The following ASCC3 variants were observed in gnomAD, a reference collection of about 807,000 sequenced individuals.
ASCC3 encodes the protein ASC-1 complex subunit P200.
ASCC3 carries 158 observed loss-of-function variants against 256.3 expected under a neutral mutation model. The ratio of observed to expected loss-of-function variants is 0.62; its 90% CI spans 0.54 to 0.70. The LOEUF is 0.70. ASCC3 is among the 30% of genes least tolerant of loss of function. The pLI is 0.00. For synonymous variants in ASCC3, 948 were observed against 883.4 expected, an observed-to-expected ratio of 1.07 and a Z score of -1.30; for missense variants, 2,259 against 2,626.0, an observed-to-expected ratio of 0.86 and a Z score of 3.05.
intron 10 of ASCC3, among the ~76,000 whole-genome samples, chr6:100,742,752 G>A (rs1347402556): frequency 1.3e-5 from 2 of 152,202 alleles, no homozygotes; most frequent in African/African-American, 4.8e-5. Context: ...TGACCAAACT[G>A]CAGAGAAGGC....
intron 8 of ASCC3, among the ~76,000 whole-genome samples, chr6:100,774,110 A>G (rs914755882): frequency 1.3e-5 from 2 of 152,202 alleles, no homozygotes; most frequent in African/African-American, 4.8e-5. Flanking sequence ...TTTCATAACA[A>G]AAGTCAGACA....
intron 10 of ASCC3, among the ~76,000 whole-genome samples, chr6:100,761,513 A>C (rs1781423568): frequency 6.6e-6 from 1 of 152,170 alleles, no homozygotes; most frequent in Non-Finnish European, 1.5e-5. Context: ...TAAAAAACGA[A>C]GAATAGAACT....
chr6:100,726,922 C>G (rs1222464467), intron 10 of ASCC3, among the ~76,000 whole-genome samples: 2 of 151,986 alleles, frequency 1.3e-5, no homozygotes, highest in Non-Finnish European at 2.9e-5. Context: ...CAACTTTAGC[C>G]TGTCCACTGG....
At chr6:100,597,809 G>GAAAAAAAAATAAAAAAAAAAA (rs1772377475) in intron 34 of ASCC3, among the ~76,000 whole-genome samples, 1 of 88,610 alleles carries the variant, frequency 1.1e-5, no homozygotes, top group Admixed American at 1.2e-4. Context: ...CGTCTCTACT[G>GAAAAAAAAATAAAAAAAAAAA]AAAAAAAAAA....
At position 100,800,493 on chromosome 6, in the gene ASCC3, T is replaced by G; in HGVS notation, c.934A>C (p.Lys312Gln). The G allele has an allele frequency of 6.2e-7, 1 of 1,608,530 alleles. No homozygotes were observed. The highest frequency in any genetic ancestry group is 8.5e-7 in the Non-Finnish European group (1 of 1,177,010). The change falls in exon 6 of 42, where the codon AAA (lysine) becomes CAA (glutamine). Residue 312 changes from lysine (K) to glutamine (Q), a missense_variant. By Grantham distance (53) the Lys-to-Gln change is moderately conservative (BLOSUM62 1). This residue lies in a region of ASCC3 where 420 missense variants were observed against 419.3 expected (regional missense o/e 1.00). Transcript: ENST00000369162. ...RFQALQDNCK[K>Q]ILGENAKPNY... Reference sequence around the variant, plus strand: ...GGTTTAGCATTTTCTCCTAAAATTTTTTTACAATTGTCTAAGAAGCAAATT... The same window carrying G: ...GGTTTAGCATTTTCTCCTAAAATTTGTTTACAATTGTCTAAGAAGCAAATT...
chr6:100,585,637 T>C (rs1771614205), intron 36 of ASCC3, among the ~76,000 whole-genome samples: 1 of 151,980 alleles, frequency 6.6e-6, no homozygotes, highest in African/African-American at 2.4e-5. Flanking sequence ...CTGTGTTCCT[T>C]TGGAGGAGGA....
chr6:100,730,446 C>T (rs964045857), intron 10 of ASCC3, among the ~76,000 whole-genome samples: 5 of 152,166 alleles, frequency 3.3e-5, no homozygotes, highest in Non-Finnish European at 5.9e-5. Context: ...TTCAAGAATG[C>T]TTGCCTAGTA....
chr6:100,585,684 T>C (rs1386003845), intron 36 of ASCC3, among the ~76,000 whole-genome samples: 1 of 150,140 alleles, frequency 6.7e-6, no homozygotes, highest in Non-Finnish European at 1.5e-5. Context: ...AGATTTTCTG[T>C]TCTGTTTTTT....
At chr6:100,543,108 T>A (rs1319279832) in intron 36 of ASCC3, among the ~76,000 whole-genome samples, 2 of 152,186 alleles carry the variant, frequency 1.3e-5, no homozygotes, top group African/African-American at 4.8e-5. Context: ...CCCCTACAGA[T>A]ACTTAAATCC....
In ASCC3 at chr6:100,665,422, A is replaced by G. The variant is rs1421778339; in HGVS notation, c.2287-2886T>C. On this transcript the variant is annotated intron_variant, in intron 14 of 41. Coordinates refer to ENST00000369162, the MANE Select transcript of ASCC3 (RefSeq NM_006828.4). Reference sequence around the variant, plus strand: ...CCATCTGTGGTCTGCCTTAGCTCACAACAAAAATGAACTGGAATCTGGCCG... The same window carrying G: ...CCATCTGTGGTCTGCCTTAGCTCACGACAAAAATGAACTGGAATCTGGCCG... 2.6e-5 allele frequency among the ~76,000 whole-genome samples: 4 copies of G among 151,994 alleles called. No individual in the cohort carries two copies. The East Asian group carries it at 7.7e-4, about 29-fold the overall frequency.
At chr6:100,654,198 A>G (rs1582640269) in intron 17 of ASCC3, among the ~76,000 whole-genome samples, 1 of 151,932 alleles carries the variant, frequency 6.6e-6, no homozygotes, top group African/African-American at 2.4e-5. Flanking sequence ...TTAATCACCT[A>G]TTACTAAACC....
At chr6:100,636,464 C>G (rs1248926417) in intron 25 of ASCC3, among the ~76,000 whole-genome samples, 1 of 152,104 alleles carries the variant, frequency 6.6e-6, no homozygotes, top group Admixed American at 6.6e-5. Context: ...TCCTTCTTCC[C>G]TAAGACACAA....
Position 100,628,102 on chromosome 6 carries a change from A to AG in ASCC3, c.4376-116_4376-115insC, listed in dbSNP as rs766177317. The AG allele has an allele frequency of 4.0e-4, 423 of 1,070,634 alleles. 1 individual carries two copies. Among genetic ancestry groups the AG allele is most frequent in the Non-Finnish European group, 5.4e-4 (404 of 743,548 alleles). The allele number at this position is 1,070,634 out of a possible 1,614,324, so 66.3% of individuals were successfully genotyped here. A position where few individuals can be genotyped will look rare whatever the true frequency, so the allele number is the denominator to read the frequency against. ...TCAAAAAACAAAAACAAAAAAAAAAACAAAAAAAAAGCTAAAGCTAGAACT... is the reference window on the plus strand; with the variant it reads ...TCAAAAAACAAAAACAAAAAAAAAAAGCAAAAAAAAAGCTAAAGCTAGAACT... On this transcript the variant is annotated intron_variant, in intron 27 of 41. Transcript: ENST00000369162.
At chr6:100,610,436 T>C (rs1256269582) in intron 30 of ASCC3, among the ~76,000 whole-genome samples, 4 of 152,058 alleles carry the variant, frequency 2.6e-5, no homozygotes, top group African/African-American at 4.8e-5. Context: ...AAAAATTTTC[T>C]AAGTTTTTTT....
At chr6:100,739,781 CATATCCCTTATCATTTCTGA>C (rs1367157792) in intron 10 of ASCC3, among the ~76,000 whole-genome samples, 1 of 152,060 alleles carries the variant, frequency 6.6e-6, no homozygotes, top group Non-Finnish European at 1.5e-5. Context: ...TCAGTGGTGA[CATATCCCTTATCATTTCTGA>C]TTGTGTTTGA....
chr6:100,734,156 G>A (rs751197597), intron 10 of ASCC3, among the ~76,000 whole-genome samples: 25 of 152,164 alleles, frequency 1.6e-4, no homozygotes, highest in Non-Finnish European at 3.2e-4. Flanking sequence ...AAGTAAAGCA[G>A]AGCCTCTGGG....
intron 25 of ASCC3, among the ~76,000 whole-genome samples, chr6:100,634,074 T>C (rs1774702546): frequency 6.6e-6 from 1 of 152,194 alleles, no homozygotes; most frequent in South Asian, 2.1e-4. Flanking sequence ...AAGAACATAG[T>C]ATTGCACTAC....
chr6:100,538,954 C>A lies in ASCC3; in HGVS notation c.5775+1209G>T, dbSNP rs193217568. On this transcript the variant is annotated intron_variant, in intron 37 of 41. Transcript: ENST00000369162. The stretch of plus-strand genomic sequence containing the variant: ...CGCAATCCTTTAGGTATTCTTCCCC[C>A]ACCAAAACCGGCTCTTCTGACAATC... Among the ~76,000 whole-genome samples, 5 of 152,194 alleles carry A rather than the reference C, an allele frequency of 3.3e-5. No homozygotes were observed. In the East Asian group the frequency reaches 9.6e-4, roughly 29 times the overall value.
intron 13 of ASCC3, among the ~76,000 whole-genome samples, chr6:100,711,705 G>A (rs138758140): frequency 0.015 from 2,342 of 152,236 alleles, 24 homozygotes; most frequent in East Asian, 0.045. Context: ...ACTCCAGCCT[G>A]GGCAACAAGA....
Sources: allele counts gnomAD v4.1 joint callset (sites outside exome capture counted in the v4.1 genomes callset), GRCh38; gene constraint gnomAD v4.1.1; regional missense constraint gnomAD v4.1.1; transcripts MANE v1.5; gene names NCBI Gene and HGNC (gene_info 2026-07-23, HGNC 2026-07-21).